OSBPL6: variants seen among roughly 807,000 people sequenced by gnomAD.
OSBPL6 encodes oxysterol binding protein like 6, also known as oxysterol-binding protein-related protein 6.
OSBPL6 carries 49 observed loss-of-function variants against 125.8 expected under a neutral mutation model. The ratio of observed to expected loss-of-function variants is 0.39; its 90% CI spans 0.31 to 0.49. The LOEUF (loss-of-function observed/expected upper bound fraction) is 0.49. Ranked by LOEUF, OSBPL6 falls within the 20% of genes least tolerant of loss-of-function variation. The probability of loss-of-function intolerance (pLI) is 0.88; values close to 1 mark genes in which losing one functional copy is unlikely to be tolerated. For synonymous variants in OSBPL6, 394 were observed against 391.8 expected (o/e 1.01, Z -0.07); for missense variants, 986 against 1,135.4 (o/e 0.87, Z 1.89).
intron 2 of OSBPL6, among the ~76,000 whole-genome samples, chr2:178,303,953 G>T (rs1686521949): frequency 6.6e-6 from 1 of 152,064 alleles, no homozygotes; most frequent in Non-Finnish European, 1.5e-5. Context: ...ACGTCTCGAT[G>T]GCTTCTCATG....
At chr2:178,383,416 A>G (rs1318278100) in intron 17 of OSBPL6, 139 bp downstream of exon 17, 4 of 1,331,848 alleles carry the variant, frequency 3.0e-6, no homozygotes, top group East Asian at 2.5e-5. Context: ...ATCTGTTTGC[A>G]TAAATCCGGC....
At chr2:178,348,507 G>A (rs558579517) in intron 11 of OSBPL6, among the ~76,000 whole-genome samples, 1 of 152,270 alleles carries the variant, frequency 6.6e-6, no homozygotes, top group South Asian at 2.1e-4. Flanking sequence ...GGGCAAGGAA[G>A]TACCTCTAGC....
In OSBPL6 at chr2:178,288,861, G is replaced by A. The variant is rs965489948; in HGVS notation, c.-156+3740G>A. On this transcript the variant is annotated intron_variant, in intron 2 of 24. Transcript: ENST00000190611. ...CACGGGGTTTCACCATGTTGGCCAG[G>A]CTGGTCTTGAACTCCTGACCTCAAG... Among the ~76,000 whole-genome samples the A allele has an allele frequency of 5.3e-5, 8 of 151,940 alleles. No homozygotes were observed. In the East Asian group the frequency reaches 1.5e-3, roughly 29 times the overall value.
At position 178,221,866 on chromosome 2, in the gene OSBPL6, T is replaced by C. The variant is rs1342190940; in HGVS notation, c.-351+27192T>C. 2.6e-5 allele frequency among the ~76,000 whole-genome samples: 4 copies of C among 152,232 alleles called. No homozygotes were observed. In the East Asian group the frequency reaches 7.7e-4, roughly 29 times the overall value. On this transcript the variant is annotated intron_variant, in intron 1 of 24. Transcript: ENST00000190611. The stretch of plus-strand genomic sequence containing the variant: ...ATGGCTTCACTTTCCTGAGTTCAGA[T>C]CTGTACTGTGAAGTGACCTGTCACA...
intron 20 of OSBPL6, 39 bp downstream of exon 20, chr2:178,387,178 T>C: frequency 6.8e-7 from 1 of 1,470,872 alleles, no homozygotes; most frequent in Non-Finnish European, 9.5e-7. Context: ...TCTTGTCTGC[T>C]TTTCTAAATC....
intron 12 of OSBPL6, among the ~76,000 whole-genome samples, chr2:178,358,476 G>A (rs1392272936): frequency 3.3e-5 from 5 of 151,902 alleles, no homozygotes. Flanking sequence ...TTCAACAAAG[G>A]CACCAAAAAG....
At chr2:178,219,864 C>T (rs2090262652) in intron 1 of OSBPL6, among the ~76,000 whole-genome samples, 1 of 152,176 alleles carries the variant, frequency 6.6e-6, no homozygotes, top group South Asian at 2.1e-4. Context: ...GTTAAAATAA[C>T]CACATTCACC....
intron 3 of OSBPL6, among the ~76,000 whole-genome samples, chr2:178,315,723 C>G (rs1687673805): frequency 6.6e-6 from 1 of 152,194 alleles, no homozygotes; most frequent in Admixed American, 6.5e-5. Flanking sequence ...GTTCGGTTCT[C>G]AGGCATCACA....
At chr2:178,314,988 G>C (rs1263661504) in intron 3 of OSBPL6, among the ~76,000 whole-genome samples, 2 of 152,052 alleles carry the variant, frequency 1.3e-5, no homozygotes, top group Non-Finnish European at 2.9e-5. Context: ...TTTTCCTTGA[G>C]CAATAATAGT....
chr2:178,364,904 G>A (rs376566151), intron 13 of OSBPL6, among the ~76,000 whole-genome samples: 6 of 152,276 alleles, frequency 3.9e-5, no homozygotes, highest in Admixed American at 1.3e-4. Context: ...CAGGCTGGCC[G>A]GGCGCGGTGG....
intron 1 of OSBPL6, among the ~76,000 whole-genome samples, chr2:178,267,042 A>G (rs2092252264): frequency 6.6e-6 from 1 of 152,134 alleles, no homozygotes; most frequent in Non-Finnish European, 1.5e-5. Flanking sequence ...GTTTTTGCCA[A>G]TGCACTGCAA....
rs952280168 is a variant in OSBPL6 at position 178,397,328 on chromosome 2, A to G, written c.*1769A>G. 9.9e-5 allele frequency: 15 copies of G among 152,240 alleles called. No homozygotes were observed. Among genetic ancestry groups the G allele is most frequent in the African/African-American group, 3.6e-4 (15 of 41,464 alleles). The allele number at this position is 152,240 out of a possible 1,614,324, so 9.4% of individuals were successfully genotyped here. On this transcript the variant is annotated 3_prime_UTR_variant, in exon 25 of 25. Coordinates refer to ENST00000190611, the MANE Select transcript of OSBPL6 (RefSeq NM_032523.4). Reference sequence around the variant, plus strand: ...GGTAAATTTTCGAATCCATCACCAGATCTAAGCATTCTGCTTCAACAATAC... The same window carrying G: ...GGTAAATTTTCGAATCCATCACCAGGTCTAAGCATTCTGCTTCAACAATAC...
At chr2:178,305,254 C>T (rs974511588) in intron 2 of OSBPL6, among the ~76,000 whole-genome samples, 14 of 152,100 alleles carry the variant, frequency 9.2e-5, no homozygotes, top group African/African-American at 3.1e-4. Context: ...TAGTGCTTAC[C>T]TTTTAACATT....
intron 1 of OSBPL6, among the ~76,000 whole-genome samples, chr2:178,238,800 A>G (rs902808935): frequency 6.6e-6 from 1 of 152,208 alleles, no homozygotes; most frequent in Non-Finnish European, 1.5e-5. Flanking sequence ...ATCTTGGAAC[A>G]TATCCCCCCA....
chr2:178,275,723 A>AG (rs1159309927), intron 1 of OSBPL6, among the ~76,000 whole-genome samples: 2 of 106,738 alleles, frequency 1.9e-5, no homozygotes, highest in Non-Finnish European at 4.3e-5. Flanking sequence ...AGCCAAACGG[A>AG]GAAAAAAAAG....
rs1689201733 is a variant in OSBPL6, at chr2:178,331,604, A to C, written c.371A>C (p.Asp124Ala). 1 of 1,613,924 alleles carries C rather than the reference A, an allele frequency of 6.2e-7. No individual in the cohort carries two copies. The change falls in exon 6 of 25, where the codon GAT becomes GCT. Residue 124 changes from aspartate to alanine, a missense_variant and splice_region_variant. Coordinates refer to ENST00000190611, the MANE Select transcript of OSBPL6 (RefSeq NM_032523.4). Reference protein sequence around the residue: ...GMLKYSKAPLDIQKGKVHGSI... With the variant: ...GMLKYSKAPLAIQKGKVHGSI... ...TTAAAGTATTCAAAGGCACCACTCG[A>C]TGTAAGTAGCACACAGGACATGTTT...
intron 1 of OSBPL6, among the ~76,000 whole-genome samples, chr2:178,274,307 A>AT (rs373465330): frequency 0.084 from 11,770 of 139,848 alleles, 662 homozygotes; most frequent in South Asian, 0.17. Flanking sequence ...GGCGAGGTCA[A>AT]TTTTTTTTTT....
chr2:178,321,227 T>A (rs969823696), intron 3 of OSBPL6, among the ~76,000 whole-genome samples: 8 of 152,196 alleles, frequency 5.3e-5, no homozygotes, highest in Non-Finnish European at 1.0e-4. Context: ...AAATTAGCAC[T>A]AAAAAATTCC....
rs760343910 is a variant in OSBPL6, at chr2:178,395,551, C to G, written c.2797C>G (p.Leu933Val). The G allele has an allele frequency of 3.1e-6, 5 of 1,606,238 alleles. No homozygotes were observed. The highest frequency in any genetic ancestry group is 1.3e-5 in the African/African-American group (1 of 74,772). Residue 933 changes from leucine to valine, a missense_variant, in exon 25 of 25, where the codon CTT becomes GTT. This residue lies in a region of OSBPL6 where 843 missense variants were observed against 997.3 expected (regional missense o/e 0.85). Transcript: ENST00000190611. ...GTTTAGCAAAGTAGACAGCCCTGTT[C>G]TTTGGTAGACTGGGAATGTAGAGCT... ...PGFSKVDSPV[L>V]W
Sources: allele counts gnomAD v4.1 joint callset (sites outside exome capture counted in the v4.1 genomes callset), GRCh38; gene constraint gnomAD v4.1.1; regional missense constraint gnomAD v4.1.1; transcripts MANE v1.5; gene names NCBI Gene and HGNC (gene_info 2026-07-23, HGNC 2026-07-21).